Variants in ZNF669 observed in about 807,000 individuals in gnomAD.
ZNF669 encodes the protein zinc finger protein 669.
ZNF669 carries 7 observed loss-of-function variants against 11.4 expected under a neutral mutation model. The observed-to-expected ratio is 0.62, with a 90% CI of 0.35 to 1.16. The LOEUF is 1.16. Among genes scored for constraint, ZNF669 ranks in the 50% most tolerant of loss-of-function variants. ZNF669 has a pLI of 0.02. For missense variants in ZNF669, 492 were observed against 463.6 expected, an observed-to-expected ratio of 1.06 and a Z score of -0.56; for synonymous variants, 153 against 155.8, an observed-to-expected ratio of 0.98 and a Z score of 0.13.
At position 247,102,057 on chromosome 1, in the gene ZNF669, C is replaced by T; in HGVS notation, c.60G>A (p.Leu20=). 1 of 1,613,348 alleles carries T rather than the reference C, an allele frequency of 6.2e-7. No individual in the cohort carries two copies. The highest frequency in any genetic ancestry group is 8.5e-7 in the Non-Finnish European group (1 of 1,179,702). ...AVNFTQEEWA[L]LDSSQKNLYR... ...AGAGATTCTTCTGAGAAGAATCTAG[C>T]AAAGCCCATTCCTCCTGGGTAAAGT... Residue 20 remains leucine, a synonymous_variant, in exon 2 of 4, where the codon TTG becomes TTA. Coordinates refer to ENST00000448299, the MANE Select transcript of ZNF669 (RefSeq NM_001142572.2).
chr1:247,100,789 G>C lies in ZNF669; in HGVS notation c.722C>G (p.Thr241Ser), dbSNP rs1385703329. The C allele has an allele frequency of 6.2e-7, 1 of 1,613,748 alleles. No homozygotes were observed. Reference sequence around the variant, plus strand: ...TTTATAGGGTCTTTCTCCAGTGTGAGTCCTTTCATGCGTCTTAAAAGAACA... The same window carrying C: ...TTTATAGGGTCTTTCTCCAGTGTGACTCCTTTCATGCGTCTTAAAAGAACA... ...FSCSFKTHER[T>S]HTGERPYKCT... Residue 241 changes from threonine (T) to serine (S), a missense_variant, in exon 4 of 4, where the codon ACT (threonine) becomes AGT (serine). Transcript: ENST00000448299.
intron 1 of ZNF669, 85 bp from the exon 2 acceptor site, chr1:247,102,198 T>A: frequency 1.4e-6 from 2 of 1,464,642 alleles, no homozygotes. Flanking sequence ...GCTGTTTACA[T>A]GATTTGATAA....
intron 1 of ZNF669, 152 bp downstream of exon 1, chr1:247,104,045 G>A (rs1397949158): frequency 2.1e-6 from 3 of 1,413,190 alleles, no homozygotes; most frequent in African/African-American, 1.4e-5. Flanking sequence ...CGCCCGGCCC[G>A]GCCCTGAACA....
At chr1:247,102,167 G>A in intron 1 of ZNF669, 54 bp from the exon 2 acceptor site, 1 of 1,524,062 alleles carries the variant, frequency 6.6e-7, no homozygotes, top group Admixed American at 2.3e-5. Flanking sequence ...ACAGCACTGG[G>A]AATCTATACT....
Position 247,101,014 on chromosome 1 carries a change from C to T in ZNF669, c.497G>A (p.Cys166Tyr). 1 of 1,613,620 alleles carries T rather than the reference C, an allele frequency of 6.2e-7. No homozygotes were observed. The highest frequency in any genetic ancestry group is 1.1e-5 in the South Asian group (1 of 90,982). ...IMHSGNPAYK[C>Y]TICGKAFYFL... is the part of the protein sequence containing the mutation. ...ATAAAAAGCTTTCCCACATATCGTA[C>T]ATTTATAAGCTGGATTTCCACTGTG... The change falls in exon 4 of 4, where the codon TGT becomes TAT. Residue 166 changes from cysteine (C) to tyrosine (Y), a missense_variant. Transcript: ENST00000448299.
chr1:247,100,610 C>T lies in ZNF669; in HGVS notation c.901G>A (p.Glu301Lys). Reference sequence around the variant, plus strand: ...CATTGTTTACATTCATAGGGTTTCTCTCCGGTATGAGTACTTCTATGGTTA... The same window carrying T: ...CATTGTTTACATTCATAGGGTTTCTTTCCGGTATGAGTACTTCTATGGTTA... ...LCNHRSTHTG[E>K]KPYECKQCDQ... The change falls in exon 4 of 4, where the codon GAG (glutamate) becomes AAG (lysine). Residue 301 changes from glutamate (E) to lysine (K), a missense_variant. Glu to Lys is a moderately conservative substitution (Grantham distance 56). Coordinates refer to ENST00000448299, the MANE Select transcript of ZNF669 (RefSeq NM_001142572.2). The T allele has an allele frequency of 6.2e-7, 1 of 1,614,178 alleles. No homozygotes were observed. Among genetic ancestry groups the T allele is most frequent in the South Asian group, 1.1e-5 (1 of 91,076 alleles).
intron 1 of ZNF669, among the ~76,000 whole-genome samples, 163 bp from the exon 2 acceptor site, chr1:247,102,276 C>T (rs1436931261): frequency 6.6e-6 from 1 of 152,238 alleles, no homozygotes; most frequent in African/African-American, 2.4e-5. Context: ...CTCCCTCCCA[C>T]ACAGCAGTAC....
chr1:247,104,248 T>C lies in ZNF669; in HGVS notation c.-49A>G. The C allele has an allele frequency of 6.7e-7, 1 of 1,490,676 alleles. No individual in the cohort carries two copies. The highest frequency in any genetic ancestry group is 8.9e-7 in the Non-Finnish European group (1 of 1,122,064). The allele number at this position is 1,490,676 out of a possible 1,614,324, so 92.3% of individuals were successfully genotyped here. ...GCGTCAGCTAGGGATGTCCCAATAC[T>C]CGCAGGTCACAGGGTGGCAGAGGCT... On this transcript the variant is annotated 5_prime_UTR_variant, in exon 1 of 4. Transcript: ENST00000448299.
Position 247,100,782 on chromosome 1 carries a change from AGT to A in ZNF669, c.727_728del (p.Thr243TrpfsTer6). The A allele has an allele frequency of 3.7e-6, 6 of 1,613,812 alleles. No individual in the cohort carries two copies. Among genetic ancestry groups the A allele is most frequent in the Non-Finnish European group, 5.1e-6 (6 of 1,179,856 alleles). On this transcript the variant is annotated frameshift_variant, in exon 4 of 4. Coordinates refer to ENST00000448299, the MANE Select transcript of ZNF669 (RefSeq NM_001142572.2). LOFTEE classifies it low-confidence loss of function (END_TRUNC). ...CSFKTHERTH[T>X]GERPYKCTKC... is the part of the protein sequence containing the mutation. ...TGGTACATTTATAGGGTCTTTCTCC[AGT>A]GTGAGTCCTTTCATGCGTCTTAAAA...
In ZNF669 at chr1:247,100,682, C is replaced by A; in HGVS notation, c.829G>T (p.Glu277Ter). ...GSIHTGERPY[E>*]CKQCGKAFSR... ...AAGGCTTTGCCACATTGTTTACACTCATAGGGTCTCTCTCCAGTATGAATG... is the reference window on the plus strand; with the variant it reads ...AAGGCTTTGCCACATTGTTTACACTAATAGGGTCTCTCTCCAGTATGAATG... Residue 277 changes from glutamate to a stop codon, truncating the protein, a stop_gained, in exon 4 of 4, where the codon GAG (glutamate) becomes TAG (stop). Coordinates refer to ENST00000448299, the MANE Select transcript of ZNF669 (RefSeq NM_001142572.2). LOFTEE classifies it low-confidence loss of function (END_TRUNC). 1 of 1,614,108 alleles carries A rather than the reference C, an allele frequency of 6.2e-7. No individual in the cohort carries two copies. Among genetic ancestry groups the A allele is most frequent in the Non-Finnish European group, 8.5e-7 (1 of 1,179,992 alleles).
chr1:247,101,060 C>CAG lies in ZNF669; in HGVS notation c.450_451insCT (p.Val151LeufsTer6). The CAG allele has an allele frequency of 6.2e-7, 1 of 1,613,974 alleles. No individual in the cohort carries two copies. Among genetic ancestry groups the CAG allele is most frequent in the Non-Finnish European group, 8.5e-7 (1 of 1,180,020 alleles). On this transcript the variant is annotated frameshift_variant, in exon 4 of 4. Transcript: ENST00000448299. LOFTEE classifies it low-confidence loss of function (END_TRUNC). Reference sequence around the variant, plus strand: ...CTGTGCATTATCATGTGTCTTCTAACACCTGGAACAGAAACGAAGAATTTC... The same window carrying CAG: ...CTGTGCATTATCATGTGTCTTCTAACAGACCTGGAACAGAAACGAAGAATTTC...
At chr1:247,102,930 T>A (rs940905843) in intron 1 of ZNF669, among the ~76,000 whole-genome samples, 1 of 152,266 alleles carries the variant, frequency 6.6e-6, no homozygotes, top group African/African-American at 2.4e-5. Flanking sequence ...ACATGTTTTT[T>A]AAAATGACAT....
chr1:247,100,102 A>T lies in ZNF669; in HGVS notation c.*272T>A. On this transcript the variant is annotated 3_prime_UTR_variant, in exon 4 of 4. Coordinates refer to ENST00000448299, the MANE Select transcript of ZNF669 (RefSeq NM_001142572.2). ...CGGGTTCATGCCATTCTCCTGCCTC[A>T]GCCTCCCGAGTAACTGGGACCACAG... 3.2e-6 allele frequency: 1 copy of T among 312,614 alleles called. No homozygotes were observed. Among genetic ancestry groups the T allele is most frequent in the Non-Finnish European group, 5.9e-6 (1 of 169,102 alleles). 19.4% of individuals were successfully genotyped at this position (312,614 alleles called of 1,614,324 possible).
In ZNF669 at chr1:247,101,006, A is replaced by C. The variant is rs1004219575; in HGVS notation, c.505T>G (p.Cys169Gly). 1 of 1,613,662 alleles carries C rather than the reference A, an allele frequency of 6.2e-7. No homozygotes were observed. The highest frequency in any genetic ancestry group is 1.7e-5 in the Admixed American group (1 of 59,998). The change falls in exon 4 of 4, where the codon TGT (cysteine) becomes GGT (glycine). Residue 169 changes from cysteine (C) to glycine (G), a missense_variant. By Grantham distance (159) the Cys-to-Gly change is radical. Coordinates refer to ENST00000448299, the MANE Select transcript of ZNF669 (RefSeq NM_001142572.2). ...SGNPAYKCTI[C>G]GKAFYFLNSV... ...TTGAGAAAATAAAAAGCTTTCCCAC[A>C]TATCGTACATTTATAAGCTGGATTT...
Position 247,100,709 on chromosome 1 carries a change from T to C in ZNF669, c.802A>G (p.Ser268Gly), listed in dbSNP as rs1227012147. The C allele has an allele frequency of 3.7e-6, 6 of 1,614,092 alleles. No homozygotes were observed. The African/African-American group carries it at 4.0e-5, about 11-fold the overall frequency. ...SCSTSLRYHG[S>G]IHTGERPYEC... The stretch of plus-strand genomic sequence containing the variant: ...TAGGGTCTCTCTCCAGTATGAATGC[T>C]TCCATGGTAACGAAGGGAAGTGGAA... Residue 268 changes from serine (S) to glycine (G), a missense_variant, in exon 4 of 4, where the codon AGC becomes GGC. By Grantham distance (56) the Ser-to-Gly change is moderately conservative. Transcript: ENST00000448299.
chr1:247,103,851 A>G (rs916608357), intron 1 of ZNF669: 1 of 1,443,966 alleles, frequency 6.9e-7, no homozygotes, highest in Admixed American at 2.8e-5. Flanking sequence ...AGCCCCATGA[A>G]CCACAGCTCC....
chr1:247,101,368 T>C (rs1280317313), intron 3 of ZNF669, 49 bp from the exon 4 acceptor site: 4 of 1,505,254 alleles, frequency 2.7e-6, no homozygotes, highest in Admixed American at 2.3e-5. Context: ...TATTAATAAC[T>C]TTCTACTTAT....
chr1:247,101,369 T>C, intron 3 of ZNF669, 50 bp from the exon 4 acceptor site: 3 of 1,501,138 alleles, frequency 2.0e-6, no homozygotes, highest in Non-Finnish European at 1.8e-6. Flanking sequence ...ATTAATAACT[T>C]TCTACTTATT....
intron 1 of ZNF669, among the ~76,000 whole-genome samples, chr1:247,103,034 G>A (rs567885863): frequency 6.6e-6 from 1 of 152,208 alleles, no homozygotes; most frequent in African/African-American, 2.4e-5. Flanking sequence ...TTCATACCTA[G>A]TAAAAATGAC....
Sources: allele counts gnomAD v4.1 joint callset (sites outside exome capture counted in the v4.1 genomes callset), GRCh38; gene constraint gnomAD v4.1.1; transcripts MANE v1.5; gene names NCBI Gene and HGNC (gene_info 2026-07-23, HGNC 2026-07-21).